The following THNSL1 variants were observed in gnomAD, a reference collection of about 807,000 sequenced individuals.
THNSL1 encodes threonine synthase-like 1.
THNSL1 carries 48 observed loss-of-function variants against 50.4 expected under a neutral mutation model. The observed-to-expected ratio is 0.95, with a 90% CI of 0.76 to 1.21. The LOEUF (loss-of-function observed/expected upper bound fraction) is 1.21. Among genes scored for constraint, THNSL1 ranks in the 50% most tolerant of loss-of-function variants. The pLI is 0.00. For synonymous variants in THNSL1, 309 were observed against 306.1 expected (o/e 1.01, Z -0.10); for missense variants, 896 against 871.7 (o/e 1.03, Z -0.35).
chr10:24,987,670 C>G, the THNSL1 span, among the ~76,000 whole-genome samples: 1 of 152,108 alleles, frequency 6.6e-6, no homozygotes, highest in Non-Finnish European at 1.5e-5. Flanking sequence ...GGAGCCCTGA[C>G]TGAAGTAGCC....
At chr10:24,979,289 G>A in the THNSL1 span, among the ~76,000 whole-genome samples, 1 of 152,142 alleles carries the variant, frequency 6.6e-6, no homozygotes, top group Admixed American at 6.5e-5. Flanking sequence ...TGTTGTGGCT[G>A]GTATTAATGG....
At chr10:24,967,263 T>C in the THNSL1 span, among the ~76,000 whole-genome samples, 2 of 152,120 alleles carry the variant, frequency 1.3e-5, no homozygotes, top group South Asian at 4.1e-4. Context: ...ATCCAGCTGG[T>C]CCAGACTGCC....
intron 1 of THNSL1, among the ~76,000 whole-genome samples, chr10:25,019,009 A>G (rs966593186): frequency 6.6e-6 from 1 of 152,122 alleles, no homozygotes; most frequent in African/African-American, 2.4e-5. Flanking sequence ...CCTCTGTTTC[A>G]TGGCAAGTGG....
chr10:25,022,295 T>C (rs1850737107), intron 2 of THNSL1, among the ~76,000 whole-genome samples: 1 of 152,184 alleles, frequency 6.6e-6, no homozygotes, highest in African/African-American at 2.4e-5. Flanking sequence ...CTCTCATCAT[T>C]GGAAACATTC....
the THNSL1 span, chr10:24,982,295 G>A: frequency 1.3e-5 from 2 of 152,228 alleles, no homozygotes; most frequent in Non-Finnish European, 2.9e-5. Flanking sequence ...AGTTTTCTGG[G>A]TGGAGGGAAC....
Position 25,022,233 on chromosome 10 carries a change from T to C in THNSL1, c.-49+325T>C, listed in dbSNP as rs1850732966. Among the ~76,000 whole-genome samples, 3 of 152,208 alleles carry C rather than the reference T, an allele frequency of 2.0e-5. No individual in the cohort carries two copies. In the South Asian group the frequency reaches 6.2e-4, roughly 31 times the overall value. ...GAGTATATTTCCAAAGACAAGGACT[T>C]GGTCAATATGGGAAATTATAGAGCT... On this transcript the variant is annotated intron_variant, in intron 2 of 2. Transcript: ENST00000376356.
the THNSL1 span, among the ~76,000 whole-genome samples, chr10:24,964,776 G>A: frequency 3.9e-5 from 6 of 152,206 alleles, no homozygotes; most frequent in African/African-American, 1.4e-4. Context: ...ACATAAAACT[G>A]TCCAGGCTGA....
chr10:25,021,399 A>G (rs1466662333), intron 1 of THNSL1, among the ~76,000 whole-genome samples: 2 of 152,232 alleles, frequency 1.3e-5, no homozygotes, highest in Admixed American at 1.3e-4. Flanking sequence ...TCATAGCTTT[A>G]GTCTGCTGAC....
the THNSL1 span, among the ~76,000 whole-genome samples, chr10:24,981,393 TG>T: frequency 1.3e-5 from 2 of 152,208 alleles, no homozygotes; most frequent in African/African-American, 4.8e-5. Flanking sequence ...GCCAAATTTT[TG>T]CCAGTTACTA....
At chr10:24,960,421 A>G in the THNSL1 span, among the ~76,000 whole-genome samples, 1 of 151,554 alleles carries the variant, frequency 6.6e-6, no homozygotes, top group African/African-American at 2.4e-5. Context: ...TATTATTATT[A>G]TTTTATTTTT....
At chr10:25,019,421 C>G (rs1370989271) in intron 1 of THNSL1, among the ~76,000 whole-genome samples, 1 of 152,124 alleles carries the variant, frequency 6.6e-6, no homozygotes, top group East Asian at 1.9e-4. Flanking sequence ...CTGTAGTGAG[C>G]CAAGATTGTG....
the THNSL1 span, chr10:24,984,364 T>C: frequency 6.3e-6 from 10 of 1,592,322 alleles, no homozygotes; most frequent in Admixed American, 1.8e-5. Context: ...AGTTGTGCTG[T>C]TGGTATCATG....
the THNSL1 span, among the ~76,000 whole-genome samples, chr10:24,964,231 T>C: frequency 6.6e-6 from 1 of 152,350 alleles, no homozygotes; most frequent in Non-Finnish European, 1.5e-5. Flanking sequence ...TTCTTTAACA[T>C]CACTGCCCTA....
chr10:25,007,865 G>A, the THNSL1 span, among the ~76,000 whole-genome samples: 3 of 151,906 alleles, frequency 2.0e-5, no homozygotes, highest in Non-Finnish European at 2.9e-5. Flanking sequence ...CCATATGCCT[G>A]AAGGGAAAGG....
upstream of THNSL1, chr10:25,016,247 G>A: frequency 1.0e-6 from 1 of 990,246 alleles, no homozygotes; most frequent in Non-Finnish European, 1.2e-6. Context: ...TTTCTGCAGC[G>A]CCTTCTGCTA....
chr10:24,998,117 TGA>T, the THNSL1 span, among the ~76,000 whole-genome samples: 2 of 152,104 alleles, frequency 1.3e-5, no homozygotes, highest in Non-Finnish European at 2.9e-5. Flanking sequence ...AGATATGGGT[TGA>T]GAGAGGATTT....
At chr10:24,993,876 T>A in the THNSL1 span, among the ~76,000 whole-genome samples, 1 of 152,148 alleles carries the variant, frequency 6.6e-6, no homozygotes, top group Non-Finnish European at 1.5e-5. Context: ...GGTGGTGGCA[T>A]GACCAGTAAA....
chr10:24,967,471 C>T, the THNSL1 span, among the ~76,000 whole-genome samples: 125,833 of 152,154 alleles, frequency 0.83, 52,441 homozygotes, highest in African/African-American at 0.92. Context: ...GGAATTTTAG[C>T]TCTTCTCTTT....
chr10:24,979,508 C>T, the THNSL1 span, among the ~76,000 whole-genome samples: 4 of 152,144 alleles, frequency 2.6e-5, no homozygotes, highest in South Asian at 4.1e-4. Flanking sequence ...TCTTGGCTTC[C>T]TGGTTTTCTT....
Sources: allele counts gnomAD v4.1 joint callset (sites outside exome capture counted in the v4.1 genomes callset), GRCh38; gene constraint gnomAD v4.1.1; transcripts MANE v1.5; gene names NCBI Gene and HGNC (gene_info 2026-07-23, HGNC 2026-07-21).